Variants in PHYHIPL observed in about 807,000 individuals in gnomAD.
PHYHIPL encodes phytanoyl-CoA 2-hydroxylase interacting protein like.
A neutral mutation model predicts 33.4 loss-of-function variants in PHYHIPL; 9 were observed. The ratio of observed to expected loss-of-function variants is 0.27; its 90% CI spans 0.16 to 0.47. PHYHIPL has a LOEUF of 0.47. PHYHIPL is among the 20% of genes least tolerant of loss of function. The pLI, the probability that PHYHIPL is intolerant of heterozygous loss-of-function variation, is 0.99. For synonymous variants in PHYHIPL, 153 were observed against 154.1 expected, an observed-to-expected ratio of 0.99 and a Z score of 0.05; for missense variants, 365 against 460.7, an observed-to-expected ratio of 0.79 and a Z score of 1.90.
At chr10:59,219,286 C>T in intron 1 of PHYHIPL, 1 of 881,196 alleles carries the variant, frequency 1.1e-6, no homozygotes, top group South Asian at 5.2e-5. Flanking sequence ...TGTTTCTGCA[C>T]ATGGAAGATA....
Position 59,176,707 on chromosome 10 carries a change from C to G in PHYHIPL, c.-147C>G, listed in dbSNP as rs530238762. The G allele has an allele frequency of 2.6e-5, 18 of 689,628 alleles. No homozygotes were observed. The highest frequency in any genetic ancestry group is 4.3e-5 in the Non-Finnish European group (18 of 423,092). 42.7% of individuals were successfully genotyped at this position (689,628 alleles called of 1,614,324 possible). ...CCTTCGCGGCGGCTCTCCAGCCCCG[C>G]GCCTCAGCCTCGGCGCCGCATCACC... On this transcript the variant is annotated 5_prime_UTR_variant, in exon 1 of 5. Coordinates refer to ENST00000373880, the MANE Select transcript of PHYHIPL (RefSeq NM_032439.4).
intron 4 of PHYHIPL, among the ~76,000 whole-genome samples, chr10:59,243,173 G>A (rs1407358539): frequency 6.6e-6 from 1 of 151,602 alleles, no homozygotes; most frequent in Non-Finnish European, 1.5e-5. Flanking sequence ...GACACCTTAT[G>A]TATAAGGAAA....
intron 1 of PHYHIPL, among the ~76,000 whole-genome samples, chr10:59,223,618 A>G (rs1839838724): frequency 6.6e-6 from 1 of 152,174 alleles, no homozygotes. Flanking sequence ...TAAAATAAAA[A>G]TAATAAAAAT....
Position 59,183,777 on chromosome 10 carries a change from C to T in PHYHIPL, c.106+6818C>T, listed in dbSNP as rs542282464. 2.7e-4 allele frequency: 158 copies of T among 574,708 alleles called. 1 individual carries two copies. Among genetic ancestry groups the T allele is most frequent in the Non-Finnish European group, 3.1e-4 (142 of 455,246 alleles). The allele number at this position is 574,708 out of a possible 1,614,324, so 35.6% of individuals were successfully genotyped here. On this transcript the variant is annotated intron_variant, in intron 1 of 4. Transcript: ENST00000373880. ...GTGGCTCATTTAAAAGGGGCTGCTC[C>T]GTGGGGATTGTGCATATACACCATT...
intron 1 of PHYHIPL, among the ~76,000 whole-genome samples, chr10:59,186,055 A>T (rs1838591148): frequency 6.6e-6 from 1 of 152,150 alleles, no homozygotes; most frequent in South Asian, 2.1e-4. Context: ...CTATGTCCTG[A>T]ATGGTATTGC....
At chr10:59,234,599 TG>T in intron 2 of PHYHIPL, 99 bp downstream of exon 2, 2 of 771,560 alleles carry the variant, frequency 2.6e-6, no homozygotes, top group African/African-American at 3.7e-5. Flanking sequence ...ATGGCTTATG[TG>T]ATGTATTTGA....
intron 1 of PHYHIPL, among the ~76,000 whole-genome samples, chr10:59,197,378 T>A (rs1462236054): frequency 6.6e-6 from 1 of 152,224 alleles, no homozygotes; most frequent in Non-Finnish European, 1.5e-5. Context: ...TTAAGAAACC[T>A]TAAACCTTAA....
chr10:59,241,499 A>ATATC (rs1191789464), intron 4 of PHYHIPL, among the ~76,000 whole-genome samples: 1 of 152,130 alleles, frequency 6.6e-6, no homozygotes, highest in Admixed American at 6.5e-5. Flanking sequence ...AACTCCTTTT[A>ATATC]TATCTGAAGG....
At chr10:59,188,261 T>C (rs999958541) in intron 1 of PHYHIPL, among the ~76,000 whole-genome samples, 1 of 152,212 alleles carries the variant, frequency 6.6e-6, no homozygotes, top group Admixed American at 6.5e-5. Flanking sequence ...TCGTTTTTCA[T>C]GTAGTTGAGC....
intron 1 of PHYHIPL, among the ~76,000 whole-genome samples, chr10:59,178,390 T>C (rs1222167409): frequency 6.6e-6 from 1 of 152,160 alleles, no homozygotes; most frequent in African/African-American, 2.4e-5. Flanking sequence ...ATCATTTTGG[T>C]ATTCCATATG....
At chr10:59,210,557 C>T (rs1217688084) in intron 1 of PHYHIPL, among the ~76,000 whole-genome samples, 1 of 152,094 alleles carries the variant, frequency 6.6e-6, no homozygotes, top group African/African-American at 2.4e-5. Flanking sequence ...ACCATTTAAC[C>T]CAGCAATCCC....
At chr10:59,198,489 A>G (rs1267830364) in intron 1 of PHYHIPL, among the ~76,000 whole-genome samples, 1 of 151,946 alleles carries the variant, frequency 6.6e-6, no homozygotes, top group Non-Finnish European at 1.5e-5. Flanking sequence ...AGTCTTTGCT[A>G]TTGTGAATAG....
intron 1 of PHYHIPL, among the ~76,000 whole-genome samples, chr10:59,186,710 A>T (rs551940138): frequency 6.6e-6 from 1 of 152,124 alleles, no homozygotes; most frequent in African/African-American, 2.4e-5. Flanking sequence ...TAGGTATTTT[A>T]TTCTCTTAGT....
chr10:59,211,674 A>T (rs1839447861), intron 1 of PHYHIPL, among the ~76,000 whole-genome samples: 3 of 150,928 alleles, frequency 2.0e-5, no homozygotes, highest in African/African-American at 7.3e-5. Context: ...TAAAAAAAAA[A>T]AAAAAAAAAA....
At chr10:59,223,144 G>A (rs916866873) in intron 1 of PHYHIPL, among the ~76,000 whole-genome samples, 1 of 152,194 alleles carries the variant, frequency 6.6e-6, no homozygotes, top group Non-Finnish European at 1.5e-5. Context: ...ATGGAGGTAT[G>A]TAATTTGTGA....
chr10:59,173,921 G>GTTTTTTTTTTTTT (rs368316005), upstream of PHYHIPL, among the ~76,000 whole-genome samples: 14 of 57,556 alleles, frequency 2.4e-4, 4 homozygotes, highest in Admixed American at 4.3e-4. Flanking sequence ...TACTTCTGAG[G>GTTTTTTTTTTTTT]TTTTTTTTTT....
At chr10:59,240,917 C>T (rs967339761) in intron 4 of PHYHIPL, among the ~76,000 whole-genome samples, 1 of 151,942 alleles carries the variant, frequency 6.6e-6, no homozygotes, top group African/African-American at 2.4e-5. Context: ...AGACAGAGTG[C>T]CTAGAAAATG....
At chr10:59,227,394 GA>G (rs1291332436) in intron 1 of PHYHIPL, among the ~76,000 whole-genome samples, 1 of 152,044 alleles carries the variant, frequency 6.6e-6, no homozygotes, top group African/African-American at 2.4e-5. Context: ...GCTAGGGTGA[GA>G]ACTCACTCCC....
chr10:59,182,627 T>C (rs986191383), intron 1 of PHYHIPL, among the ~76,000 whole-genome samples: 3 of 152,156 alleles, frequency 2.0e-5, no homozygotes, highest in Admixed American at 1.3e-4. Flanking sequence ...AGTTAAACCG[T>C]CCTTTGAGCA....
Sources: gnomAD v4.1 joint callset for allele counts (sites outside exome capture counted in the v4.1 genomes callset) on GRCh38, gnomAD v4.1.1 for gene constraint, MANE v1.5 for transcripts, NCBI Gene and HGNC (gene_info 2026-07-23, HGNC 2026-07-21) for gene names.